RNF114: variants seen among roughly 807,000 people sequenced by gnomAD.
The protein encoded by RNF114 is ring finger protein 114.
RNF114 carries 6 observed loss-of-function variants against 28.4 expected under a neutral mutation model. That is an observed-to-expected ratio of 0.21 (90% CI 0.12 to 0.42). RNF114 has a LOEUF of 0.42. Among genes scored for constraint, RNF114 ranks in the 10% least tolerant of loss-of-function variants. The probability of loss-of-function intolerance (pLI) is 1.00; values close to 1 mark genes in which losing one functional copy is unlikely to be tolerated. For missense variants in RNF114, 249 were observed against 311.7 expected, an observed-to-expected ratio of 0.80 and a Z score of 1.51; for synonymous variants, 115 against 116.7, an observed-to-expected ratio of 0.99 and a Z score of 0.09.
chr20:49,950,390 TG>T (rs1186520982), intron 5 of RNF114, among the ~76,000 whole-genome samples: 2 of 151,794 alleles, frequency 1.3e-5, no homozygotes, highest in Non-Finnish European at 2.9e-5. Flanking sequence ...GAACTTGGTT[TG>T]GGGACAGGTG....
At chr20:49,946,597 A>G (rs1395535964) in intron 4 of RNF114, among the ~76,000 whole-genome samples, 2 of 137,114 alleles carry the variant, frequency 1.5e-5, no homozygotes, top group Non-Finnish European at 3.3e-5. Context: ...TCTAATGTCT[A>G]ATGTGAAATT....
chr20:49,950,353 T>C (rs1429247228), intron 5 of RNF114, among the ~76,000 whole-genome samples: 1 of 152,006 alleles, frequency 6.6e-6, no homozygotes, highest in Non-Finnish European at 1.5e-5. Flanking sequence ...ACTTTTCTTG[T>C]GGTTTATATA....
At chr20:49,949,878 C>CAG (rs2090348745) in intron 5 of RNF114, among the ~76,000 whole-genome samples, 1 of 151,664 alleles carries the variant, frequency 6.6e-6, no homozygotes, top group Non-Finnish European at 1.5e-5. Context: ...CTCCTGACCT[C>CAG]GTGATCTGCC....
chr20:49,940,378 A>G (rs2090302841), intron 1 of RNF114, among the ~76,000 whole-genome samples: 1 of 148,502 alleles, frequency 6.7e-6, no homozygotes, highest in Admixed American at 6.8e-5. Context: ...CCCAGTCCTC[A>G]GGTTCATGAA....
At chr20:49,940,412 C>CT (rs373298495) in intron 1 of RNF114, among the ~76,000 whole-genome samples, 3,477 of 125,130 alleles carry the variant, frequency 0.028, 46 homozygotes, top group African/African-American at 0.042. Flanking sequence ...CATCTGAACC[C>CT]TTTTTTTTTT....
At chr20:49,944,549 T>G (rs1240220819) in intron 2 of RNF114, 1 of 152,214 alleles carries the variant, frequency 6.6e-6, no homozygotes, top group African/African-American at 2.4e-5. Flanking sequence ...CTGGGTTTTC[T>G]TCTCTTTCTG....
At chr20:49,940,503 G>A (rs557700454) in intron 1 of RNF114, among the ~76,000 whole-genome samples, 1 of 151,614 alleles carries the variant, frequency 6.6e-6, no homozygotes, top group African/African-American at 2.4e-5. Context: ...CAAGCTCTGC[G>A]TCCTGGGTTC....
intron 5 of RNF114, 50 bp downstream of exon 5, chr20:49,949,405 C>T (rs778120599): frequency 6.9e-7 from 1 of 1,442,936 alleles, no homozygotes; most frequent in East Asian, 2.3e-5. Context: ...AGTGGCACGG[C>T]TACTTCACTC....
intron 2 of RNF114, among the ~76,000 whole-genome samples, chr20:49,943,367 G>A (rs1224498000): frequency 6.6e-6 from 1 of 152,158 alleles, no homozygotes; most frequent in African/African-American, 2.4e-5. Flanking sequence ...GCTGTGTGTA[G>A]TGGTGTATGC....
At chr20:49,938,322 C>G (rs988651963) in intron 1 of RNF114, among the ~76,000 whole-genome samples, 1 of 152,170 alleles carries the variant, frequency 6.6e-6, no homozygotes, top group African/African-American at 2.4e-5. Flanking sequence ...AACCTTGGCT[C>G]TTCTCTATCC....
intron 5 of RNF114, 80 bp from the exon 6 acceptor site, chr20:49,951,996 A>G: frequency 1.6e-6 from 2 of 1,226,590 alleles, no homozygotes; most frequent in Admixed American, 1.7e-5. Flanking sequence ...TCCAGTTGCT[A>G]GGCTGTCCTG....
chr20:49,951,287 AC>A (rs534367893), intron 5 of RNF114, among the ~76,000 whole-genome samples: 6,736 of 147,422 alleles, frequency 0.046, 170 homozygotes, highest in East Asian at 0.099. Context: ...CAGATGAATT[AC>A]ATTCATCTGT....
At chr20:49,943,135 G>A (rs1379634989) in intron 2 of RNF114, among the ~76,000 whole-genome samples, 1 of 152,046 alleles carries the variant, frequency 6.6e-6, no homozygotes, top group East Asian at 1.9e-4. Flanking sequence ...GCGTGATTTA[G>A]TATTAGGGAT....
At chr20:49,939,985 C>CA (rs1374616354) in intron 1 of RNF114, among the ~76,000 whole-genome samples, 1 of 139,454 alleles carries the variant, frequency 7.2e-6, no homozygotes, top group African/African-American at 2.6e-5. Flanking sequence ...ACCGGGGAGG[C>CA]AGATTTTGCA....
chr20:49,949,185 GC>G, intron 4 of RNF114, 62 bp from the exon 5 acceptor site: 1 of 1,344,906 alleles, frequency 7.4e-7, no homozygotes, highest in Non-Finnish European at 1.1e-6. Context: ...CCAGACACAG[GC>G]CACAGAGGGC....
chr20:49,949,622 G>A (rs1407380399), intron 5 of RNF114, among the ~76,000 whole-genome samples: 1 of 152,134 alleles, frequency 6.6e-6, no homozygotes, highest in Non-Finnish European at 1.5e-5. Flanking sequence ...TTCTATTCAT[G>A]GGCCAGGCAG....
At chr20:49,942,105 TA>T (rs2090310292) in intron 2 of RNF114, 1 of 166,576 alleles carries the variant, frequency 6.0e-6, no homozygotes, top group Non-Finnish European at 1.3e-5. Flanking sequence ...TACAAAAAAA[TA>T]AAATTAGCCG....
chr20:49,938,156 T>C (rs181933787), intron 1 of RNF114, among the ~76,000 whole-genome samples: 2 of 152,360 alleles, frequency 1.3e-5, no homozygotes, highest in Admixed American at 1.3e-4. Flanking sequence ...ATTTACCTGA[T>C]TTTGGATTAA....
intron 1 of RNF114, among the ~76,000 whole-genome samples, chr20:49,940,053 CAAAAA>C (rs71190515): frequency 2.1e-4 from 16 of 75,556 alleles, no homozygotes; most frequent in Middle Eastern, 6.3e-3. Context: ...GACTCTGTCT[CAAAAA>C]AAAAAAAAAA....
Sources: gnomAD v4.1 joint callset for allele counts (sites outside exome capture counted in the v4.1 genomes callset) on GRCh38, gnomAD v4.1.1 for gene constraint, MANE v1.5 for transcripts, NCBI Gene and HGNC (gene_info 2026-07-23, HGNC 2026-07-21) for gene names.